The following RNF38 variants were observed in gnomAD, a reference collection of about 807,000 sequenced individuals.
RNF38 encodes E3 ubiquitin-protein ligase RNF38.
RNF38 carries 15 observed loss-of-function variants against 67.2 expected under a neutral mutation model. The observed-to-expected ratio is 0.22, with a 90% CI of 0.15 to 0.34. RNF38 has a LOEUF of 0.34. RNF38 is among the 10% of genes least tolerant of loss of function. The pLI, the probability that RNF38 is intolerant of heterozygous loss-of-function variation, is 1.00. For missense variants in RNF38, 524 were observed against 639.9 expected (o/e 0.82, Z 1.95); for synonymous variants, 220 against 218.8 (o/e 1.01, Z -0.05).
chr9:36,432,849 A>T (rs1838964302), intron 1 of RNF38, among the ~76,000 whole-genome samples: 3 of 152,200 alleles, frequency 2.0e-5, no homozygotes, highest in Admixed American at 1.3e-4. Flanking sequence ...AATGCCAGTT[A>T]CATATATGGT....
chr9:36,370,021 T>C (rs1835258078), intron 3 of RNF38, 89 bp from the exon 4 acceptor site: 2 of 1,032,104 alleles, frequency 1.9e-6, no homozygotes, highest in African/African-American at 1.6e-5. Context: ...ATCAATAGTA[T>C]ATGCTAAGGT....
intron 2 of RNF38, among the ~76,000 whole-genome samples, chr9:36,422,575 C>A (rs545962033): frequency 6.6e-6 from 1 of 152,186 alleles, no homozygotes. Flanking sequence ...AGCTACCTAT[C>A]GATAAGTACT....
chr9:36,401,274 C>G, upstream of RNF38: 1 of 979,416 alleles, frequency 1.0e-6, no homozygotes, highest in East Asian at 1.2e-4. Context: ...CAGAGCTCCG[C>G]GCGCAGCACC....
At chr9:36,413,210 A>AC (rs1207700178) in intron 2 of RNF38, among the ~76,000 whole-genome samples, 1 of 151,848 alleles carries the variant, frequency 6.6e-6, no homozygotes. Flanking sequence ...AGCCTGGGCA[A>AC]CAGAGCAAGA....
chr9:36,379,511 A>T (rs144428442), intron 2 of RNF38, among the ~76,000 whole-genome samples: 8 of 152,084 alleles, frequency 5.3e-5, no homozygotes, highest in African/African-American at 7.2e-5. Flanking sequence ...GTGGAAGCAT[A>T]AAAAAAATGA....
At chr9:36,392,771 AG>A (rs1837208714) in intron 1 of RNF38, among the ~76,000 whole-genome samples, 1 of 152,136 alleles carries the variant, frequency 6.6e-6, no homozygotes, top group Non-Finnish European at 1.5e-5. Flanking sequence ...TCTAAAAATA[AG>A]TATTTGTTAA....
chr9:36,429,484 T>C (rs553223840), intron 1 of RNF38, among the ~76,000 whole-genome samples: 7 of 152,290 alleles, frequency 4.6e-5, no homozygotes, highest in Admixed American at 1.3e-4. Flanking sequence ...TAATACCTAA[T>C]ACAATGTAAT....
At chr9:36,419,247 A>T (rs1447863908) in intron 2 of RNF38, among the ~76,000 whole-genome samples, 1 of 152,226 alleles carries the variant, frequency 6.6e-6, no homozygotes, top group Non-Finnish European at 1.5e-5. Context: ...CATTTTAGAT[A>T]AGCGATATTG....
intron 6 of RNF38, among the ~76,000 whole-genome samples, chr9:36,355,707 A>G (rs1834049838): frequency 6.6e-6 from 1 of 152,230 alleles, no homozygotes; most frequent in Non-Finnish European, 1.5e-5. Context: ...ATGTAATAGA[A>G]CACAAATTTA....
At chr9:36,343,489 G>A (rs535296067) in intron 10 of RNF38, among the ~76,000 whole-genome samples, 94 of 152,162 alleles carry the variant, frequency 6.2e-4, no homozygotes, top group African/African-American at 2.1e-3. Flanking sequence ...CAAATGGCTA[G>A]TAGCACATGA....
intron 1 of RNF38, among the ~76,000 whole-genome samples, chr9:36,395,798 C>T (rs1439365529): frequency 6.6e-6 from 1 of 152,164 alleles, no homozygotes; most frequent in Non-Finnish European, 1.5e-5. Flanking sequence ...TAACTAGAAG[C>T]AACCTAAATG....
chr9:36,448,259 C>A (rs537612160), intron 1 of RNF38, among the ~76,000 whole-genome samples: 1 of 152,302 alleles, frequency 6.6e-6, no homozygotes, highest in Non-Finnish European at 1.5e-5. Context: ...TAGGCAAGCA[C>A]AAATGTAAAC....
At chr9:36,452,066 TA>T (rs1169297173) in intron 1 of RNF38, among the ~76,000 whole-genome samples, 2 of 151,706 alleles carry the variant, frequency 1.3e-5, no homozygotes, top group African/African-American at 2.4e-5. Flanking sequence ...AAAATTTTTT[TA>T]AAAAAAATAG....
chr9:36,400,435 G>A (rs1176666766), upstream of RNF38: 5 of 1,088,742 alleles, frequency 4.6e-6, no homozygotes, highest in African/African-American at 3.3e-5. Context: ...CGGGAACAAA[G>A]AGCGCCGGGC....
chr9:36,476,834 C>A (rs2134435124), intron 1 of RNF38, among the ~76,000 whole-genome samples: 1 of 152,188 alleles, frequency 6.6e-6, no homozygotes, highest in East Asian at 1.9e-4. Context: ...CAAAATTATG[C>A]TGGCGGGTAA....
chr9:36,383,850 G>A (rs954471533), intron 2 of RNF38, among the ~76,000 whole-genome samples: 1 of 151,568 alleles, frequency 6.6e-6, no homozygotes, highest in African/African-American at 2.4e-5. Flanking sequence ...ATAACAGTTT[G>A]ATATGCAGTG....
rs146556210 is a variant in RNF38, at chr9:36,427,657, CTCTATCTA to C, written n.242-2982_242-2975del. Among the ~76,000 whole-genome samples, 805 of 147,170 alleles carry C rather than the reference CTCTATCTA, an allele frequency of 5.5e-3. 5 individuals are homozygous for C. Among genetic ancestry groups the C allele is most frequent in the African/African-American group, 0.013 (512 of 39,568 alleles). Reference sequence around the variant, plus strand: ...GTTCCTTGATCTTGAATTTCCCAGCCTCTATCTATCTATCTATCTATCTATCTATCTAT... The same window carrying C: ...GTTCCTTGATCTTGAATTTCCCAGCCTCTATCTATCTATCTATCTATCTAT... On this transcript the variant is annotated intron_variant and non_coding_transcript_variant, in intron 1 of 3. Transcript: ENST00000488058.
chr9:36,484,441 T>C (rs762140356), intron 1 of RNF38, among the ~76,000 whole-genome samples: 29 of 152,142 alleles, frequency 1.9e-4, no homozygotes, highest in Non-Finnish European at 4.1e-4. Flanking sequence ...ATAAACAAAA[T>C]TTTTGTGTGA....
chr9:36,428,968 G>A (rs1284838241), intron 1 of RNF38, among the ~76,000 whole-genome samples: 1 of 152,112 alleles, frequency 6.6e-6, no homozygotes, highest in Non-Finnish European at 1.5e-5. Flanking sequence ...TTCTGCAATT[G>A]CTTAATTCAT....
Sources: gnomAD v4.1 joint callset for allele counts (sites outside exome capture counted in the v4.1 genomes callset) on GRCh38, gnomAD v4.1.1 for gene constraint, MANE v1.5 for transcripts, NCBI Gene and HGNC (gene_info 2026-07-23, HGNC 2026-07-21) for gene names.